Variants in RABEP1 observed in about 807,000 individuals in gnomAD.
RABEP1 encodes the protein rabaptin, RAB GTPase binding effector protein 1.
In RABEP1, 51 loss-of-function variants were observed where a neutral mutation model predicts 123.4. That is an observed-to-expected ratio of 0.41 (90% CI 0.33 to 0.52). The LOEUF (loss-of-function observed/expected upper bound fraction) is 0.52. RABEP1 is among the 20% of genes least tolerant of loss of function. The probability of loss-of-function intolerance (pLI) is 0.16; values close to 1 mark genes in which losing one functional copy is unlikely to be tolerated. For missense variants in RABEP1, 888 were observed against 996.3 expected, an observed-to-expected ratio of 0.89 and a Z score of 1.46; for synonymous variants, 347 against 355.2, an observed-to-expected ratio of 0.98 and a Z score of 0.26.
At chr17:5,331,560 A>G (rs1906547968) in intron 2 of RABEP1, among the ~76,000 whole-genome samples, 1 of 152,174 alleles carries the variant, frequency 6.6e-6, no homozygotes, top group South Asian at 2.1e-4. Context: ...CTTTTATTAA[A>G]CATTTTTTGA....
intron 2 of RABEP1, among the ~76,000 whole-genome samples, chr17:5,328,718 C>T (rs1300667243): frequency 3.4e-5 from 5 of 146,484 alleles, no homozygotes; most frequent in Admixed American, 2.1e-4. Flanking sequence ...TTTGGGAGGC[C>T]GAGGCAGGTG....
chr17:5,312,417 C>T (rs148593863), intron 2 of RABEP1, among the ~76,000 whole-genome samples: 459 of 152,310 alleles, frequency 3.0e-3, no homozygotes, highest in Middle Eastern at 0.01. Flanking sequence ...TCCCAAACTG[C>T]TGGGATTACA....
chr17:5,354,266 C>T, intron 7 of RABEP1, 93 bp from the exon 8 acceptor site: 1 of 1,211,558 alleles, frequency 8.3e-7, no homozygotes, highest in South Asian at 1.6e-5. Context: ...TATCATAACG[C>T]TCTGTTCTTT....
intron 2 of RABEP1, among the ~76,000 whole-genome samples, chr17:5,320,421 CAAAAAA>C (rs60202531): frequency 0.069 from 5,877 of 84,774 alleles, 180 homozygotes; most frequent in East Asian, 0.22. Flanking sequence ...GCTAACACAC[CAAAAAA>C]AAAAAAAAAA....
chr17:5,375,362 CT>C (rs895126173), intron 13 of RABEP1, among the ~76,000 whole-genome samples: 1 of 152,130 alleles, frequency 6.6e-6, no homozygotes, highest in African/African-American at 2.4e-5. Context: ...GCAGAGCCTT[CT>C]TTCCTTTCTG....
Position 5,385,988 on chromosome 17 carries a change from T to C in RABEP1, c.*2765T>C, listed in dbSNP as rs1006734071. On this transcript the variant is annotated 3_prime_UTR_variant, in exon 18 of 18. Coordinates refer to ENST00000537505, the MANE Select transcript of RABEP1 (RefSeq NM_004703.6). The stretch of plus-strand genomic sequence containing the variant: ...TGCAGTGTGAAATAATCCTGAGTCC[T>C]TGCTGAACACAACTGTAGGCTTGAG... 3 of 494,720 alleles carry C rather than the reference T, an allele frequency of 6.1e-6. No individual in the cohort carries two copies. Among genetic ancestry groups the C allele is most frequent in the African/African-American group, 6.0e-5 (3 of 49,892 alleles). The allele number at this position is 494,720 out of a possible 1,614,324, so 30.6% of individuals were successfully genotyped here. A position where few individuals can be genotyped will look rare whatever the true frequency, so the allele number is the denominator to read the frequency against.
chr17:5,381,886 C>T (rs973660697), intron 17 of RABEP1, among the ~76,000 whole-genome samples: 1 of 151,980 alleles, frequency 6.6e-6, no homozygotes, highest in Admixed American at 6.6e-5. Flanking sequence ...ATCCTCATCT[C>T]ATCCCCTCCT....
chr17:5,366,178 G>A (rs921832330), intron 11 of RABEP1, among the ~76,000 whole-genome samples: 1 of 152,090 alleles, frequency 6.6e-6, no homozygotes, highest in African/African-American at 2.4e-5. Flanking sequence ...TAGCCATTTC[G>A]GTGGATGTAT....
intron 2 of RABEP1, among the ~76,000 whole-genome samples, chr17:5,325,039 A>G (rs1056894818): frequency 2.0e-5 from 3 of 152,186 alleles, no homozygotes; most frequent in Admixed American, 6.5e-5. Context: ...ATCGCTGGGC[A>G]TGGTGGCTCA....
In RABEP1 at chr17:5,293,061, A is replaced by G. The variant is rs565484048; in HGVS notation, c.34+10541A>G. Among the ~76,000 whole-genome samples the G allele has an allele frequency of 6.6e-5, 10 of 152,242 alleles. No individual in the cohort carries two copies. In the South Asian group the frequency reaches 2.1e-3, roughly 32 times the overall value. Reference sequence around the variant, plus strand: ...TCTCAGCAGTTTGGAAGACTGAGGCAGGTGGATCCCTTGAGGTCAGGAGTT... The same window carrying G: ...TCTCAGCAGTTTGGAAGACTGAGGCGGGTGGATCCCTTGAGGTCAGGAGTT... On this transcript the variant is annotated intron_variant, in intron 1 of 17. Coordinates refer to ENST00000537505, the MANE Select transcript of RABEP1 (RefSeq NM_004703.6).
chr17:5,287,962 T>C (rs1597322110), intron 1 of RABEP1, among the ~76,000 whole-genome samples: 2 of 151,462 alleles, frequency 1.3e-5, no homozygotes, highest in South Asian at 2.1e-4. Context: ...AATAGGGAGG[T>C]ATGAATCCAG....
chr17:5,314,703 A>G (rs1030392540), intron 2 of RABEP1, among the ~76,000 whole-genome samples: 1 of 152,112 alleles, frequency 6.6e-6, no homozygotes, highest in Admixed American at 6.6e-5. Flanking sequence ...TATTTTTAGT[A>G]GAGACGGGGT....
At chr17:5,308,410 G>C (rs1232179185) in intron 1 of RABEP1, among the ~76,000 whole-genome samples, 2 of 152,162 alleles carry the variant, frequency 1.3e-5, no homozygotes, top group African/African-American at 4.8e-5. Flanking sequence ...ATTTTTAATA[G>C]AGATGGGATT....
At chr17:5,367,054 A>T (rs1039233369) in intron 11 of RABEP1, among the ~76,000 whole-genome samples, 2 of 150,530 alleles carry the variant, frequency 1.3e-5, no homozygotes, top group Non-Finnish European at 3.0e-5. Flanking sequence ...ATGCCATTGC[A>T]CTCCCGCCTG....
Position 5,323,819 on chromosome 17 carries a change from A to AAT in RABEP1, c.164-8117_164-8116dup, listed in dbSNP as rs200561684. On this transcript the variant is annotated intron_variant, in intron 2 of 17. Transcript: ENST00000537505. ...CTAGGAATATATATATATATCTAGG[A>AAT]ATATATATATATATCTAGGAATATA... Among the ~76,000 whole-genome samples, 74 of 70,880 alleles carry AAT rather than the reference A, an allele frequency of 1.0e-3. 7 individuals carry two copies. Among genetic ancestry groups the AAT allele is most frequent in the African/African-American group, 3.4e-3 (44 of 13,064 alleles). The allele number at this position is 70,880 out of a possible 152,430, so 46.5% of individuals were successfully genotyped here.
At chr17:5,367,093 GA>G (rs11362207) in intron 11 of RABEP1, among the ~76,000 whole-genome samples, 33,312 of 145,794 alleles carry the variant, frequency 0.23, 4,429 homozygotes, top group African/African-American at 0.38. Context: ...CCGTCTGAAA[GA>G]AAAAAAAAAA....
chr17:5,326,188 C>G (rs1905953199), intron 2 of RABEP1, among the ~76,000 whole-genome samples: 1 of 152,154 alleles, frequency 6.6e-6, no homozygotes. Flanking sequence ...AAAACTTGCA[C>G]AAATATATTT....
chr17:5,300,530 G>A (rs942790814), intron 1 of RABEP1, among the ~76,000 whole-genome samples: 9 of 152,100 alleles, frequency 5.9e-5, no homozygotes, highest in Admixed American at 5.2e-4. Flanking sequence ...CAAGCGGGGG[G>A]ACCTTTCTAT....
chr17:5,368,268 A>G (rs1910247543), intron 11 of RABEP1, 102 bp from the exon 12 acceptor site: 1 of 812,494 alleles, frequency 1.2e-6, no homozygotes. Context: ...CCATGAACAA[A>G]TAAAATGTCA....
Sources: gnomAD v4.1 joint callset for allele counts (sites outside exome capture counted in the v4.1 genomes callset) on GRCh38, gnomAD v4.1.1 for gene constraint, MANE v1.5 for transcripts, NCBI Gene and HGNC (gene_info 2026-07-23, HGNC 2026-07-21) for gene names.